FAM13B: variants seen among roughly 807,000 people sequenced by gnomAD.
FAM13B encodes the protein family with sequence similarity 13 member B.
A neutral mutation model predicts 117.3 loss-of-function variants in FAM13B; 60 were observed. The observed-to-expected ratio is 0.51, with a 90% confidence interval of 0.42 to 0.63. The LOEUF (loss-of-function observed/expected upper bound fraction) is 0.63, where lower values mean the gene tolerates loss of function less well. FAM13B is among the 30% of genes least tolerant of loss of function. The pLI is 0.00. For missense variants in FAM13B, 972 were observed against 1,091.9 expected (o/e 0.89, Z 1.55); for synonymous variants, 332 against 356.1 (o/e 0.93, Z 0.76).
At chr5:137,946,349 A>C (rs773949698) in intron 18 of FAM13B, 38 bp from the exon 19 acceptor site, 2 of 1,420,854 alleles carry the variant, frequency 1.4e-6, no homozygotes, top group Non-Finnish European at 1.9e-6. Flanking sequence ...ATACAAAAAA[A>C]AAAAAACAAA....
At chr5:138,003,046 T>A (rs1328310006) in intron 7 of FAM13B, among the ~76,000 whole-genome samples, 2 of 152,146 alleles carry the variant, frequency 1.3e-5, no homozygotes, top group African/African-American at 4.8e-5. Flanking sequence ...TAAGCACTTA[T>A]GAAATGGCAT....
intron 1 of FAM13B, 63 bp from the exon 2 acceptor site, chr5:138,021,260 T>C (rs1786631707): frequency 8.6e-6 from 10 of 1,159,660 alleles, no homozygotes; most frequent in South Asian, 4.4e-5. Context: ...AGACTATTAA[T>C]AGAAGCAGCA....
At chr5:137,968,903 G>C (rs936861451) in intron 10 of FAM13B, among the ~76,000 whole-genome samples, 2 of 152,186 alleles carry the variant, frequency 1.3e-5, no homozygotes, top group Non-Finnish European at 2.9e-5. Context: ...TTTTCCGACG[G>C]GCTTAAAAAA....
At chr5:138,010,957 TAAA>T (rs35163730) in intron 6 of FAM13B, 48 bp downstream of exon 6, 887 of 1,078,016 alleles carry the variant, frequency 8.2e-4, no homozygotes, top group African/African-American at 3.0e-3. Context: ...ATATTATTCT[TAAA>T]AAAAAAAAAA....
At chr5:137,957,090 A>C (rs1766781807) in intron 13 of FAM13B, among the ~76,000 whole-genome samples, 1 of 152,238 alleles carries the variant, frequency 6.6e-6, no homozygotes, top group Non-Finnish European at 1.5e-5. Flanking sequence ...AAAACAAAAC[A>C]GAAACTATGT....
chr5:138,027,908 T>C (rs1788869285), intron 1 of FAM13B, among the ~76,000 whole-genome samples: 1 of 152,236 alleles, frequency 6.6e-6, no homozygotes, highest in Non-Finnish European at 1.5e-5. Context: ...CCTGCTGCCA[T>C]GTAAGACATG....
chr5:138,044,398 A>G (rs1791584792), intron 1 of FAM13B, among the ~76,000 whole-genome samples: 1 of 152,124 alleles, frequency 6.6e-6, no homozygotes, highest in Admixed American at 6.5e-5. Context: ...ATAAAAATAC[A>G]AAAATTAGCC....
chr5:137,992,062 G>A (rs1778730465), intron 7 of FAM13B, among the ~76,000 whole-genome samples: 1 of 151,750 alleles, frequency 6.6e-6, no homozygotes, highest in Non-Finnish European at 1.5e-5. Context: ...TGGGACTACA[G>A]GCACATGCCC....
At chr5:137,942,099 A>C (rs1267762081) in intron 22 of FAM13B, 54 bp from the exon 23 acceptor site, 1 of 1,436,786 alleles carries the variant, frequency 7.0e-7, no homozygotes, top group African/African-American at 1.4e-5. Flanking sequence ...TTATATTCTT[A>C]AGAGAGGTTC....
intron 1 of FAM13B, among the ~76,000 whole-genome samples, chr5:138,045,970 G>C (rs1391871166): frequency 2.0e-5 from 3 of 151,632 alleles, no homozygotes; most frequent in Admixed American, 2.0e-4. Context: ...ATTATAAAGA[G>C]TATGATGTGG....
chr5:137,959,520 G>T, intron 13 of FAM13B, 96 bp downstream of exon 13: 1 of 1,274,062 alleles, frequency 7.8e-7, no homozygotes, highest in Non-Finnish European at 1.1e-6. Context: ...AGATGAATAA[G>T]GTTATCCAGA....
chr5:138,004,675 C>T (rs1782108731), intron 7 of FAM13B, among the ~76,000 whole-genome samples: 1 of 152,194 alleles, frequency 6.6e-6, no homozygotes, highest in South Asian at 2.1e-4. Flanking sequence ...AGCCCAGGAG[C>T]TCAAGGCCAC....
intron 10 of FAM13B, among the ~76,000 whole-genome samples, chr5:137,963,570 T>C (rs1245486153): frequency 1.3e-5 from 2 of 152,224 alleles, no homozygotes; most frequent in African/African-American, 4.8e-5. Flanking sequence ...AATGAGTCCC[T>C]GAGACCCAAA....
Position 138,011,070 on chromosome 5 carries a change from CAT to C in FAM13B, c.626_627del (p.Tyr209Ter). 1 of 1,609,246 alleles carries C rather than the reference CAT, an allele frequency of 6.2e-7. No individual in the cohort carries two copies. Among genetic ancestry groups the C allele is most frequent in the Non-Finnish European group, 8.5e-7 (1 of 1,178,938 alleles). ...TCTTCCTCTTCATTCTCAAAAAACT[CAT>C]AGTAGTTTTCCAGAAGTCCAGCCAT... The part of the protein sequence containing the change: ...RIMAGLLENY[Y>X]EFFENEEEDF... On this transcript the variant is annotated frameshift_variant, in exon 6 of 24. Transcript: ENST00000689681. LOFTEE classifies it high-confidence loss of function.
chr5:138,038,026 A>C (rs1163686702), upstream of FAM13B, among the ~76,000 whole-genome samples: 1 of 152,280 alleles, frequency 6.6e-6, no homozygotes, highest in South Asian at 2.1e-4. Flanking sequence ...GCCATATACA[A>C]TTTTTTCAGT....
intron 7 of FAM13B, 21 bp from the exon 8 acceptor site, chr5:137,988,336 T>C: frequency 1.3e-6 from 2 of 1,553,878 alleles, no homozygotes; most frequent in Non-Finnish European, 1.7e-6. Context: ...AGAAAGAAAT[T>C]AGCTATAAAA....
At position 138,033,040 on chromosome 5, in the gene FAM13B, G is replaced by A. The variant is rs1181070185; in HGVS notation, c.-461C>T. On this transcript the variant is annotated 5_prime_UTR_variant, in exon 1 of 24. Transcript: ENST00000689681. Reference sequence around the variant, plus strand: ...AGTGGCGACAGAGGCGGCGGCTGAGGTGCAGAGCCTCCCTAACGGCGAGCG... The same window carrying A: ...AGTGGCGACAGAGGCGGCGGCTGAGATGCAGAGCCTCCCTAACGGCGAGCG... 5 of 986,840 alleles carry A rather than the reference G, an allele frequency of 5.1e-6. No homozygotes were observed. The highest frequency in any genetic ancestry group is 4.7e-5 in the South Asian group (1 of 21,354). The allele number at this position is 986,840 out of a possible 1,614,324, so 61.1% of individuals were successfully genotyped here.
chr5:137,960,502 A>T (rs918032775), intron 11 of FAM13B, among the ~76,000 whole-genome samples: 2 of 152,158 alleles, frequency 1.3e-5, no homozygotes, highest in Non-Finnish European at 2.9e-5. Context: ...ATGAAAACTA[A>T]AATCCACAGT....
In FAM13B at chr5:137,948,231, T is replaced by C. The variant is rs192314582; in HGVS notation, c.2160+724A>G. ...TCATAACAACCATATCAAGTTAGTA[T>C]TAATGGACATAATCACGTCAATATA... On this transcript the variant is annotated intron_variant, in intron 18 of 23. Transcript: ENST00000689681. 4.6e-5 allele frequency among the ~76,000 whole-genome samples: 7 copies of C among 152,128 alleles called. No individual in the cohort carries two copies. The East Asian group carries it at 7.7e-4, about 17-fold the overall frequency.
Sources: allele counts gnomAD v4.1 joint callset (sites outside exome capture counted in the v4.1 genomes callset), GRCh38; gene constraint gnomAD v4.1.1; transcripts MANE v1.5; gene names NCBI Gene and HGNC (gene_info 2026-07-23, HGNC 2026-07-21).